Variants in C4orf51 observed in about 807,000 individuals in gnomAD.
C4orf51 encodes uncharacterized protein C4orf51.
A neutral mutation model predicts 25.2 loss-of-function variants in C4orf51; 25 were observed. The observed-to-expected ratio is 0.99, with a 90% confidence interval of 0.72 to 1.39. The LOEUF is 1.39. C4orf51 is among the 40% of genes most tolerant of loss of function. C4orf51 has a pLI of 0.00. For synonymous variants in C4orf51, 100 were observed against 84.5 expected, an observed-to-expected ratio of 1.18 and a Z score of -1.01; for missense variants, 252 against 239.6, an observed-to-expected ratio of 1.05 and a Z score of -0.34.
At chr4:145,735,770 AT>A (rs1457655672), downstream of C4orf51, among the ~76,000 whole-genome samples, 2 of 152,186 alleles carry the variant, frequency 1.3e-5, no homozygotes, top group Non-Finnish European at 2.9e-5. Flanking sequence ...CTATTCCATA[AT>A]TGCAGGCAAA....
chr4:145,703,049 G>A (rs9762261), intron 2 of C4orf51, among the ~76,000 whole-genome samples: 52,084 of 150,974 alleles, frequency 0.34, 9,134 homozygotes, highest in Admixed American at 0.48. Context: ...ATATAAGAAG[G>A]CAGGAATGTC....
At chr4:145,760,827 G>A in intron 1 of C4orf51, 4 of 1,199,838 alleles carry the variant, frequency 3.3e-6, no homozygotes, top group Non-Finnish European at 4.2e-6. Flanking sequence ...CCAGGAAGGA[G>A]TGTTTGGGTG....
At chr4:145,716,262 C>G (rs973626162) in intron 2 of C4orf51, among the ~76,000 whole-genome samples, 1 of 152,176 alleles carries the variant, frequency 6.6e-6, no homozygotes. Context: ...CTTCCTTCCT[C>G]TTGGGCTTCC....
chr4:145,760,735 TTTGTC>T, intron 1 of C4orf51: 2 of 999,112 alleles, frequency 2.0e-6, no homozygotes, highest in East Asian at 9.7e-5. Context: ...TTTTTTTTTT[TTTGTC>T]TTTTGTCTCT....
intron 1 of C4orf51, among the ~76,000 whole-genome samples, chr4:145,692,728 C>T (rs1338119982): frequency 6.6e-6 from 1 of 152,046 alleles, no homozygotes; most frequent in Non-Finnish European, 1.5e-5. Flanking sequence ...GTGTGAGGAC[C>T]CTCCTCCCTC....
chr4:145,711,933 G>A (rs1731156181), intron 2 of C4orf51, among the ~76,000 whole-genome samples: 1 of 151,830 alleles, frequency 6.6e-6, no homozygotes, highest in Admixed American at 6.6e-5. Flanking sequence ...TTCACTTCTT[G>A]TCTCTGTGTC....
intron 1 of C4orf51, among the ~76,000 whole-genome samples, chr4:145,770,334 ATAAATAAATAAAT>A (rs372193191): frequency 4.0e-5 from 6 of 149,522 alleles, no homozygotes; most frequent in African/African-American, 9.8e-5. Context: ...AAATAAATAA[ATAAATAAATAAAT>A]AAAATAGATC....
At chr4:145,682,621 T>G (rs1728906586) in intron 1 of C4orf51, among the ~76,000 whole-genome samples, 2 of 152,334 alleles carry the variant, frequency 1.3e-5, no homozygotes, top group South Asian at 2.1e-4. Context: ...ACATTGAATA[T>G]TCATATTGTG....
intron 1 of C4orf51, among the ~76,000 whole-genome samples, chr4:145,748,287 T>C (rs1466332899): frequency 6.6e-6 from 1 of 152,128 alleles, no homozygotes; most frequent in Non-Finnish European, 1.5e-5. Context: ...CTTTTTTTCT[T>C]AGCTAGTCTG....
At chr4:145,733,135 G>C (rs1457343212), downstream of C4orf51, among the ~76,000 whole-genome samples, 1 of 151,890 alleles carries the variant, frequency 6.6e-6, no homozygotes, top group Non-Finnish European at 1.5e-5. Flanking sequence ...CGCCCCCAAA[G>C]CCGCGCCCAC....
At chr4:145,703,120 T>A (rs1055130781) in intron 2 of C4orf51, among the ~76,000 whole-genome samples, 10 of 151,812 alleles carry the variant, frequency 6.6e-5, no homozygotes, top group African/African-American at 2.2e-4. Flanking sequence ...TATGCCCAGA[T>A]GGCCTGAAGT....
chr4:145,694,655 C>T (rs1729932886), intron 1 of C4orf51, among the ~76,000 whole-genome samples: 1 of 118,176 alleles, frequency 8.5e-6, no homozygotes, highest in Non-Finnish European at 1.8e-5. Flanking sequence ...GTGGGGGGGT[C>T]AGCCCTCCGC....
At chr4:145,709,074 A>G (rs187772070) in intron 2 of C4orf51, among the ~76,000 whole-genome samples, 1 of 152,286 alleles carries the variant, frequency 6.6e-6, no homozygotes, top group East Asian at 1.9e-4. Flanking sequence ...TATGCTCACA[A>G]AAACAGCAAC....
chr4:145,702,282 C>T (rs10002334), intron 2 of C4orf51, among the ~76,000 whole-genome samples: 85,842 of 150,158 alleles, frequency 0.57, 24,885 homozygotes, highest in Admixed American at 0.66. Context: ...GCCAAACCCA[C>T]ATACTCTCCT....
intron 3 of C4orf51, among the ~76,000 whole-genome samples, chr4:145,728,468 A>T (rs1194462700): frequency 6.6e-6 from 1 of 152,160 alleles, no homozygotes; most frequent in Non-Finnish European, 1.5e-5. Flanking sequence ...GATTCTCACT[A>T]TTTGTGGTTA....
chr4:145,736,556 G>T (rs1201234646), downstream of C4orf51, among the ~76,000 whole-genome samples: 2 of 152,122 alleles, frequency 1.3e-5, no homozygotes, highest in Non-Finnish European at 2.9e-5. Flanking sequence ...GCCTTCTCTG[G>T]CTTCCTGGCT....
intron 1 of C4orf51, among the ~76,000 whole-genome samples, chr4:145,749,409 G>A (rs1479013247): frequency 6.6e-6 from 1 of 151,894 alleles, no homozygotes; most frequent in Non-Finnish European, 1.5e-5. Context: ...TACATTCAGT[G>A]TTATTATAGA....
chr4:145,732,724 T>G lies in C4orf51; in HGVS notation c.*164T>G, dbSNP rs553873750. On this transcript the variant is annotated 3_prime_UTR_variant, in exon 6 of 6. Transcript: ENST00000438731. Reference sequence around the variant, plus strand: ...CAATTCCATGGGCTTCATTTATCAGTTTTTTCCCTTTTTAATTGGTGGAGA... The same window carrying G: ...CAATTCCATGGGCTTCATTTATCAGGTTTTTCCCTTTTTAATTGGTGGAGA... 1.2e-5 allele frequency: 6 copies of G among 482,564 alleles called. No individual in the cohort carries two copies. Among genetic ancestry groups the G allele is most frequent in the African/African-American group, 1.2e-4 (6 of 49,694 alleles). 29.9% of individuals were successfully genotyped at this position (482,564 alleles called of 1,614,324 possible). A position where few individuals can be genotyped will look rare whatever the true frequency, so the allele number is the denominator to read the frequency against.
intron 2 of C4orf51, among the ~76,000 whole-genome samples, chr4:145,710,381 A>G (rs959011104): frequency 5.9e-5 from 9 of 152,242 alleles, no homozygotes; most frequent in Middle Eastern, 6.8e-3. Flanking sequence ...TTGGGGTTTT[A>G]TATGTTGGCC....
Sources: allele counts gnomAD v4.1 joint callset (sites outside exome capture counted in the v4.1 genomes callset), GRCh38; gene constraint gnomAD v4.1.1; transcripts MANE v1.5; gene names NCBI Gene and HGNC (gene_info 2026-07-23, HGNC 2026-07-21).